The following PSMD1 variants were observed in gnomAD, a reference collection of about 807,000 sequenced individuals.
PSMD1 encodes proteasome 26S subunit, non-ATPase 1, also known as 26S proteasome non-ATPase regulatory subunit 1.
PSMD1 carries 18 observed loss-of-function variants against 119.0 expected under a neutral mutation model. That is an observed-to-expected ratio of 0.15 (90% confidence interval 0.10 to 0.22). PSMD1 has a LOEUF of 0.22. PSMD1 is among the 10% of genes least tolerant of loss of function. The probability of loss-of-function intolerance (pLI) is 1.00; values close to 1 mark genes in which losing one functional copy is unlikely to be tolerated. For synonymous variants in PSMD1, 374 were observed against 396.6 expected (o/e 0.94, Z 0.68); for missense variants, 702 against 1,158.5 (o/e 0.61, Z 5.72).
rs1559222290 is a variant in PSMD1, at chr2:231,080,137, A to AC, written c.1240-3dup. ...GATGTCTTTGTTATGACTTACCTTTACAGGGTCATGAAAAAGAAGCATTAC... is the reference window on the plus strand; with the variant it reads ...GATGTCTTTGTTATGACTTACCTTTACCAGGGTCATGAAAAAGAAGCATTAC... On this transcript the variant is annotated splice_polypyrimidine_tract_variant and splice_region_variant and intron_variant, in intron 11 of 24. Coordinates refer to ENST00000308696, the MANE Select transcript of PSMD1 (RefSeq NM_002807.4). The AC allele has an allele frequency of 6.2e-7, 1 of 1,604,618 alleles. No individual in the cohort carries two copies. Among genetic ancestry groups the AC allele is most frequent in the South Asian group, 1.1e-5 (1 of 89,004 alleles).
At chr2:231,155,507 TAA>T (rs35113044) in intron 19 of PSMD1, among the ~76,000 whole-genome samples, 74 of 151,516 alleles carry the variant, frequency 4.9e-4, no homozygotes, top group African/African-American at 1.7e-3. Context: ...CCTCTTTCTT[TAA>T]AAAAAAATCC....
chr2:231,063,376 C>T (rs993469057), intron 4 of PSMD1, among the ~76,000 whole-genome samples: 4 of 152,186 alleles, frequency 2.6e-5, no homozygotes, highest in African/African-American at 9.7e-5. Context: ...AAAGAAGGGA[C>T]TGCATACCCT....
intron 16 of PSMD1, among the ~76,000 whole-genome samples, chr2:231,093,867 G>T (rs1348029595): frequency 6.6e-6 from 1 of 152,046 alleles, no homozygotes; most frequent in African/African-American, 2.4e-5. Flanking sequence ...TGTTCCACGT[G>T]TGACAAAATT....
rs968313294 is a variant in PSMD1, at chr2:231,161,654, A to G, written c.2388+145A>G. On this transcript the variant is annotated intron_variant, in intron 20 of 24. Coordinates refer to ENST00000308696, the MANE Select transcript of PSMD1 (RefSeq NM_002807.4). ...CATTTTCCCTTCAAGTTGAATCGTC[A>G]CCTTTTTGAATGGAGTGTGTCATTG... 20 of 934,752 alleles carry G rather than the reference A, an allele frequency of 2.1e-5. No homozygotes were observed. In the South Asian group the frequency reaches 3.4e-4, roughly 16 times the overall value. 57.9% of individuals were successfully genotyped at this position (934,752 alleles called of 1,614,324 possible). A position where few individuals can be genotyped will look rare whatever the true frequency, so the allele number is the denominator to read the frequency against.
chr2:231,107,859 A>G lies in PSMD1; in HGVS notation c.1883+20678A>G, dbSNP rs947033658. ...TTATTTGCTTTTTCCTCCTTCTCCA[A>G]TAGACCTACCTGTGCTGAGTAGAAG... On this transcript the variant is annotated intron_variant, in intron 16 of 24. Coordinates refer to ENST00000308696, the MANE Select transcript of PSMD1 (RefSeq NM_002807.4). Among the ~76,000 whole-genome samples the G allele has an allele frequency of 5.6e-4, 85 of 152,332 alleles. 1 individual carries two copies. The highest frequency in any genetic ancestry group is 5.4e-3 in the Admixed American group (83 of 15,304).
At chr2:231,129,039 A>G (rs1695793930) in intron 16 of PSMD1, among the ~76,000 whole-genome samples, 1 of 152,208 alleles carries the variant, frequency 6.6e-6, no homozygotes, top group African/African-American at 2.4e-5. Context: ...TCATAACCCA[A>G]ATATCTTTTG....
chr2:231,085,172 A>G (rs1694401269), intron 15 of PSMD1, 58 bp downstream of exon 15: 18 of 1,406,842 alleles, frequency 1.3e-5, no homozygotes, highest in Middle Eastern at 1.8e-4. Flanking sequence ...CAGATGGACA[A>G]TAAGTGTCTA....
chr2:231,086,036 CT>C (rs879890171), intron 15 of PSMD1, among the ~76,000 whole-genome samples: 474 of 142,930 alleles, frequency 3.3e-3, no homozygotes, highest in Non-Finnish European at 3.2e-3. Context: ...TAGTCTTTTT[CT>C]TTTTTTTTTT....
At chr2:231,128,899 G>T (rs1023311208) in intron 16 of PSMD1, among the ~76,000 whole-genome samples, 1 of 152,118 alleles carries the variant, frequency 6.6e-6, no homozygotes, top group African/African-American at 2.4e-5. Context: ...GACAATTTTT[G>T]CCAGGTTATT....
rs770013353 is a variant in PSMD1 at position 231,067,163 on chromosome 2, G to C, written c.510+52G>C. On this transcript the variant is annotated intron_variant, in intron 5 of 24. Transcript: ENST00000308696. The stretch of plus-strand genomic sequence containing the variant: ...TTATTGTTGATAGGGAATCAGCAAA[G>C]CAAGTTATTCAAACTGAAACTTTCA... The C allele has an allele frequency of 1.2e-5, 16 of 1,367,998 alleles. No individual in the cohort carries two copies. In the East Asian group the frequency reaches 3.2e-4, roughly 27 times the overall value. The allele number at this position is 1,367,998 out of a possible 1,614,324, so 84.7% of individuals were successfully genotyped here.
At chr2:231,083,377 T>C (rs1694360137) in intron 13 of PSMD1, among the ~76,000 whole-genome samples, 190 bp from the exon 14 acceptor site, 1 of 152,236 alleles carries the variant, frequency 6.6e-6, no homozygotes, top group Non-Finnish European at 1.5e-5. Context: ...TAAATATGAA[T>C]GTGCGAACCC....
At chr2:231,089,813 C>T (rs1317980225) in intron 16 of PSMD1, among the ~76,000 whole-genome samples, 1 of 152,060 alleles carries the variant, frequency 6.6e-6, no homozygotes, top group African/African-American at 2.4e-5. Flanking sequence ...CGTTTTTCTG[C>T]CTGCTTTATA....
chr2:231,112,173 C>T (rs1159637069), intron 16 of PSMD1, among the ~76,000 whole-genome samples: 1 of 152,188 alleles, frequency 6.6e-6, no homozygotes, highest in Non-Finnish European at 1.5e-5. Flanking sequence ...CTCACACTCT[C>T]CCTTGCCCTC....
chr2:231,165,558 A>G (rs1007574021), intron 22 of PSMD1, among the ~76,000 whole-genome samples: 1 of 152,198 alleles, frequency 6.6e-6, no homozygotes, highest in East Asian at 1.9e-4. Context: ...TTTTTCACAG[A>G]CAAGATGATG....
intron 12 of PSMD1, 24 bp from the exon 13 acceptor site, chr2:231,082,859 A>G (rs758980600): frequency 2.6e-6 from 4 of 1,557,250 alleles, no homozygotes; most frequent in Admixed American, 3.4e-5. Flanking sequence ...TACCAAATCA[A>G]TGGAATCTAT....
Position 231,170,808 on chromosome 2 carries a change from C to A in PSMD1, c.*9+87C>A. 2.2e-6 allele frequency: 3 copies of A among 1,370,564 alleles called. No individual in the cohort carries two copies. Among genetic ancestry groups the A allele is most frequent in the Non-Finnish European group, 2.9e-6 (3 of 1,022,648 alleles). The allele number at this position is 1,370,564 out of a possible 1,614,324, so 84.9% of individuals were successfully genotyped here. A position where few individuals can be genotyped will look rare whatever the true frequency, so the allele number is the denominator to read the frequency against. ...GCAAGGACATCATCTCACGTTTTTC[C>A]TTCCTTTTGTGTTTAATCCTTATTT... On this transcript the variant is annotated intron_variant, in intron 24 of 24. Coordinates refer to ENST00000308696, the MANE Select transcript of PSMD1 (RefSeq NM_002807.4). This position sits in a 1 kb window ranked among gnomAD's most constrained non-coding sequence, Gnocchi z 4.1.
chr2:231,098,481 G>T (rs532449998), intron 16 of PSMD1, among the ~76,000 whole-genome samples: 2 of 144,850 alleles, frequency 1.4e-5, no homozygotes, highest in South Asian at 2.2e-4. Context: ...CTCTCTCTCT[G>T]TCTCTATCTC....
intron 16 of PSMD1, among the ~76,000 whole-genome samples, chr2:231,096,867 A>G (rs1028120343): frequency 1.3e-5 from 2 of 152,244 alleles, no homozygotes; most frequent in Non-Finnish European, 2.9e-5. Context: ...GAGTCAGGGC[A>G]GAGCAGGTAG....
At chr2:231,059,860 A>G (rs1328572136) in intron 1 of PSMD1, among the ~76,000 whole-genome samples, 3 of 152,226 alleles carry the variant, frequency 2.0e-5, no homozygotes. Context: ...TAAGATGGGA[A>G]ATACTAATGT....
Sources: gnomAD v4.1 joint callset for allele counts (sites outside exome capture counted in the v4.1 genomes callset) on GRCh38, gnomAD v4.1.1 for gene constraint, Gnocchi (gnomAD v3.1) non-coding constraint, MANE v1.5 for transcripts, NCBI Gene and HGNC (gene_info 2026-07-23, HGNC 2026-07-21) for gene names.